Variants in FILIP1 observed in about 807,000 individuals in gnomAD.
FILIP1 encodes the protein filamin-A-interacting protein 1.
Under a neutral mutation model 102.1 loss-of-function variants are expected in FILIP1, and 61 were observed. The ratio of observed to expected loss-of-function variants is 0.60; its 90% CI spans 0.49 to 0.74. The LOEUF is 0.74. Among genes scored for constraint, FILIP1 ranks in the 30% least tolerant of loss-of-function variants. FILIP1 has a pLI of 0.00. For synonymous variants in FILIP1, 491 were observed against 526.9 expected (o/e 0.93, Z 0.93); for missense variants, 1,314 against 1,441.2 (o/e 0.91, Z 1.43).
At chr6:75,439,238 C>A (rs1014216042) in intron 1 of FILIP1, among the ~76,000 whole-genome samples, 1 of 152,126 alleles carries the variant, frequency 6.6e-6, no homozygotes, top group African/African-American at 2.4e-5. Context: ...TGGTGGCATG[C>A]GCCTGTAGTC....
At chr6:75,417,272 G>A (rs895129664) in intron 1 of FILIP1, among the ~76,000 whole-genome samples, 6 of 152,042 alleles carry the variant, frequency 3.9e-5, no homozygotes, top group African/African-American at 1.2e-4. Flanking sequence ...TGAACATAAA[G>A]ATTTTTAGTC....
At chr6:75,324,470 C>T (rs1773767915) in intron 4 of FILIP1, among the ~76,000 whole-genome samples, 2 of 152,026 alleles carry the variant, frequency 1.3e-5, no homozygotes, top group South Asian at 4.1e-4. Flanking sequence ...ACACCCCATG[C>T]TCAGGGACGG....
chr6:75,313,215 T>C lies in FILIP1; in HGVS notation c.2617A>G (p.Met873Val). 1.2e-6 allele frequency: 2 copies of C among 1,614,182 alleles called. No individual in the cohort carries two copies. The highest frequency in any genetic ancestry group is 1.7e-6 in the Non-Finnish European group (2 of 1,180,032). Residue 873 changes from methionine (M) to valine (V), a missense_variant, in exon 5 of 6, where the codon ATG (methionine) becomes GTG (valine). Physicochemically the swap from Met to Val is conservative, Grantham distance 21. Transcript: ENST00000237172. This position sits in a 1 kb window ranked among gnomAD's most constrained non-coding sequence, Gnocchi z 4.2. ...LTMRKSWIPWMRKRENGPSIT... is the reference protein window; with the variant it reads ...LTMRKSWIPWVRKRENGPSIT... ...GAGGGGCCGTTTTCCCTCTTTCTCA[T>C]CCATGGAATCCAAGACTTTCTCATA...
At position 75,315,193 on chromosome 6, in the gene FILIP1, C is replaced by CAAGGTTCTAGGTTA; in HGVS notation, c.638_639insTAACCTAGAACCTT (p.Lys213AsnfsTer29). On this transcript the variant is annotated frameshift_variant, in exon 5 of 6. Transcript: ENST00000237172. LOFTEE classifies it high-confidence loss of function. Reference sequence around the variant, plus strand: ...GATAAGCCTTTTCTTGTTCAAGGAGCTTTTTTAACCTAGAAAATAAAATAT... The same window carrying CAAGGTTCTAGGTTA: ...GATAAGCCTTTTCTTGTTCAAGGAGCAAGGTTCTAGGTTATTTTTTAACCTAGAAAATAAAATAT... The CAAGGTTCTAGGTTA allele has an allele frequency of 6.5e-7, 1 of 1,533,730 alleles. No homozygotes were observed. The highest frequency in any genetic ancestry group is 1.3e-5 in the South Asian group (1 of 77,056).
chr6:75,455,156 T>A (rs1221765516), intron 1 of FILIP1: 1 of 152,524 alleles, frequency 6.6e-6, no homozygotes. Flanking sequence ...ATGACAGACA[T>A]CTCTTTTAAT....
intron 2 of FILIP1, among the ~76,000 whole-genome samples, chr6:75,394,411 G>A (rs917892143): frequency 6.6e-6 from 1 of 152,006 alleles, no homozygotes; most frequent in Non-Finnish European, 1.5e-5. Context: ...CACATCAGAA[G>A]CCATAAAACA....
At chr6:75,463,803 T>C (rs1054124771) in intron 1 of FILIP1, among the ~76,000 whole-genome samples, 3 of 152,202 alleles carry the variant, frequency 2.0e-5, no homozygotes, top group Non-Finnish European at 4.4e-5. Flanking sequence ...AACTTTTTCC[T>C]TGTCATTTTA....
downstream of FILIP1, among the ~76,000 whole-genome samples, chr6:75,304,994 C>T (rs1274657267): frequency 6.6e-6 from 1 of 152,274 alleles, no homozygotes; most frequent in South Asian, 2.1e-4. Flanking sequence ...GCAGTAGCTA[C>T]AGAGGACTGC....
At chr6:75,428,264 G>C (rs945750681) in intron 1 of FILIP1, 1 of 152,466 alleles carries the variant, frequency 6.6e-6, no homozygotes, top group African/African-American at 2.4e-5. Context: ...ACCTGGTGTT[G>C]AGGGTGGAGG....
intron 6 of FILIP1, among the ~76,000 whole-genome samples, chr6:75,300,301 A>G (rs1245692167): frequency 2.0e-5 from 3 of 152,142 alleles, no homozygotes; most frequent in Non-Finnish European, 4.4e-5. Flanking sequence ...GAACAAAAAC[A>G]TGTCCTCTTG....
chr6:75,419,806 C>T (rs1235655465), intron 1 of FILIP1, among the ~76,000 whole-genome samples: 3 of 152,232 alleles, frequency 2.0e-5, no homozygotes, highest in East Asian at 1.9e-4. Context: ...TGGTTAAATC[C>T]GCATATAAAT....
intron 2 of FILIP1, among the ~76,000 whole-genome samples, chr6:75,368,126 T>A (rs771983216): frequency 3.3e-5 from 5 of 152,198 alleles, no homozygotes; most frequent in Non-Finnish European, 5.9e-5. Context: ...TCAGACATAG[T>A]TCTTTGTGCC....
chr6:75,416,604 A>T (rs2149690201), intron 1 of FILIP1, among the ~76,000 whole-genome samples: 1 of 150,730 alleles, frequency 6.6e-6, no homozygotes, highest in African/African-American at 2.4e-5. Flanking sequence ...AAAAAAAAAG[A>T]AGTGATGAAT....
intron 4 of FILIP1, among the ~76,000 whole-genome samples, chr6:75,332,313 T>A (rs1774110686): frequency 6.6e-6 from 1 of 152,208 alleles, no homozygotes; most frequent in Non-Finnish European, 1.5e-5. Context: ...ATTGGTCAGA[T>A]GAAATACTTT....
At chr6:75,415,306 G>A (rs1777225097) in intron 1 of FILIP1, among the ~76,000 whole-genome samples, 1 of 152,032 alleles carries the variant, frequency 6.6e-6, no homozygotes, top group Admixed American at 6.6e-5. Context: ...TAATGGAGAT[G>A]TCAATTATAG....
chr6:75,304,525 T>C (rs747198738), downstream of FILIP1, among the ~76,000 whole-genome samples: 6 of 152,166 alleles, frequency 3.9e-5, no homozygotes, highest in Non-Finnish European at 5.9e-5. Context: ...CAGATAACTA[T>C]ATTTAAATTT....
downstream of FILIP1, among the ~76,000 whole-genome samples, chr6:75,306,687 T>G (rs1169480305): frequency 1.3e-5 from 2 of 152,182 alleles, no homozygotes; most frequent in African/African-American, 4.8e-5. Flanking sequence ...AGTCTCTCCC[T>G]CTCCTTTGAC....
chr6:75,385,842 T>G (rs759895789), intron 2 of FILIP1, among the ~76,000 whole-genome samples: 1 of 129,112 alleles, frequency 7.7e-6, no homozygotes, highest in Non-Finnish European at 1.6e-5. Context: ...CCCCTTAGGA[T>G]TTTTTTTTTT....
chr6:75,352,426 A>G (rs991349295), intron 4 of FILIP1, among the ~76,000 whole-genome samples: 1 of 152,092 alleles, frequency 6.6e-6, no homozygotes, highest in Non-Finnish European at 1.5e-5. Context: ...AGATACTGGG[A>G]AAAAAAACAG....
Sources: gnomAD v4.1 joint callset for allele counts (sites outside exome capture counted in the v4.1 genomes callset) on GRCh38, gnomAD v4.1.1 for gene constraint, Gnocchi (gnomAD v3.1) non-coding constraint, MANE v1.5 for transcripts, NCBI Gene and HGNC (gene_info 2026-07-23, HGNC 2026-07-21) for gene names.